PKHD1: variants seen among roughly 807,000 people sequenced by gnomAD.
The protein encoded by PKHD1 is fibrocystin.
A neutral mutation model predicts 412.0 loss-of-function variants in PKHD1; 291 were observed. The ratio of observed to expected loss-of-function variants is 0.71; its 90% CI spans 0.64 to 0.78. PKHD1 has a LOEUF of 0.78. Ranked by LOEUF, PKHD1 falls within the 30% of genes least tolerant of loss-of-function variation. PKHD1 has a pLI of 0.00. For synonymous variants in PKHD1, 1,777 were observed against 1,821.5 expected, an observed-to-expected ratio of 0.98 and a Z score of 0.62; for missense variants, 4,825 against 4,950.7, an observed-to-expected ratio of 0.97 and a Z score of 0.76.
At chr6:51,873,417 G>A (rs1776321625) in intron 46 of PKHD1, among the ~76,000 whole-genome samples, 1 of 152,178 alleles carries the variant, frequency 6.6e-6, no homozygotes, top group Non-Finnish European at 1.5e-5. Flanking sequence ...CTTTAGAGGA[G>A]CTGATAATGT....
Position 51,649,140 on chromosome 6 carries a change from C to G in PKHD1, c.11255G>C (p.Gly3752Ala), listed in dbSNP as rs766816600. 3.1e-6 allele frequency: 5 copies of G among 1,613,678 alleles called. No individual in the cohort carries two copies. The highest frequency in any genetic ancestry group is 4.2e-6 in the Non-Finnish European group (5 of 1,179,642). Residue 3752 changes from glycine (G) to alanine (A), a missense_variant, in exon 62 of 67, where the codon GGA (glycine) becomes GCA (alanine). Coordinates refer to ENST00000371117, the MANE Select transcript of PKHD1 (RefSeq NM_138694.4). ...CACTGGAAGCTCATTTCCCACTTCT[C>G]CATCTGAAGGCTGGACTAGGATGGA... ...ALSILVQPSDGEVGNELPVQP... is the reference protein window; with the variant it reads ...ALSILVQPSDAEVGNELPVQP...
chr6:51,682,167 C>T (rs551720211), intron 60 of PKHD1: 13 of 450,774 alleles, frequency 2.9e-5, no homozygotes, highest in South Asian at 3.2e-5. Flanking sequence ...TCTTTTCCTC[C>T]GAACATATAT....
chr6:51,924,251 T>C (rs894351168), intron 37 of PKHD1, among the ~76,000 whole-genome samples: 2 of 152,168 alleles, frequency 1.3e-5, no homozygotes, highest in African/African-American at 4.8e-5. Context: ...TCCATTTACT[T>C]AACAAAGTTG....
chr6:51,863,436 C>G (rs2151735364), intron 48 of PKHD1, among the ~76,000 whole-genome samples: 1 of 152,256 alleles, frequency 6.6e-6, no homozygotes, highest in South Asian at 2.1e-4. Flanking sequence ...AGAAGTTATA[C>G]ATTGCTGTAA....
chr6:51,778,824 C>A (rs1277665032), intron 53 of PKHD1, among the ~76,000 whole-genome samples: 1 of 152,140 alleles, frequency 6.6e-6, no homozygotes, highest in South Asian at 2.1e-4. Flanking sequence ...ACTCACCAGA[C>A]CTTGTACCAA....
chr6:51,888,479 A>G (rs186675914), intron 43 of PKHD1, among the ~76,000 whole-genome samples: 1 of 152,138 alleles, frequency 6.6e-6, no homozygotes, highest in Non-Finnish European at 1.5e-5. Flanking sequence ...GGCCTACCCA[A>G]TGTTCATATT....
rs921768112 is a variant in PKHD1 at position 51,999,250 on chromosome 6, G to T, written c.5751+11059C>A. Among the ~76,000 whole-genome samples, 60 of 152,226 alleles carry T rather than the reference G, an allele frequency of 3.9e-4. 1 individual carries two copies. The highest frequency in any genetic ancestry group is 1.4e-3 in the African/African-American group (58 of 41,528). The stretch of plus-strand genomic sequence containing the variant: ...AGGTCATTTCTATCTCCAAGTAACA[G>T]CCTTTATCTAAAACCAGTTCAATAT... On this transcript the variant is annotated intron_variant, in intron 35 of 66. Transcript: ENST00000371117.
chr6:52,082,594 G>T, intron 3 of PKHD1, 52 bp from the exon 4 acceptor site: 4 of 1,577,120 alleles, frequency 2.5e-6, no homozygotes, highest in South Asian at 1.1e-5. Context: ...ATTGACACAG[G>T]ACAGTGTGAA....
chr6:51,835,126 T>C (rs1003718793), intron 51 of PKHD1, among the ~76,000 whole-genome samples: 1 of 152,232 alleles, frequency 6.6e-6, no homozygotes, highest in African/African-American at 2.4e-5. Context: ...CCAGTTAAAC[T>C]GACCCCTTCT....
intron 55 of PKHD1, among the ~76,000 whole-genome samples, chr6:51,759,632 G>A (rs144531536): frequency 6.6e-6 from 1 of 151,812 alleles, no homozygotes; most frequent in Non-Finnish European, 1.5e-5. Context: ...CTTAAGAAGG[G>A]TTACTTTTAC....
chr6:51,867,373 T>C (rs1273512342), intron 48 of PKHD1, among the ~76,000 whole-genome samples: 1 of 152,036 alleles, frequency 6.6e-6, no homozygotes, highest in Non-Finnish European at 1.5e-5. Flanking sequence ...ATTGTAGGAA[T>C]CCAATAGTTC....
intron 36 of PKHD1, among the ~76,000 whole-genome samples, chr6:51,946,087 C>A (rs951450988): frequency 6.6e-6 from 1 of 152,162 alleles, no homozygotes; most frequent in African/African-American, 2.4e-5. Flanking sequence ...GGCTTTGTCC[C>A]TTTTACCATG....
intron 52 of PKHD1, among the ~76,000 whole-genome samples, chr6:51,796,177 T>G (rs1423117209): frequency 6.6e-6 from 1 of 150,434 alleles, no homozygotes; most frequent in Non-Finnish European, 1.5e-5. Context: ...TACTGCCCCA[T>G]TTTCAGAACT....
intron 50 of PKHD1, among the ~76,000 whole-genome samples, chr6:51,843,636 T>G (rs760253451): frequency 1.4e-4 from 22 of 152,158 alleles, no homozygotes; most frequent in Non-Finnish European, 2.2e-4. Context: ...TGTTCTACAG[T>G]CATACCCATT....
chr6:51,618,392 T>C lies in PKHD1; in HGVS notation c.*689A>G, dbSNP rs988923574. On this transcript the variant is annotated 3_prime_UTR_variant, in exon 67 of 67. Coordinates refer to ENST00000371117, the MANE Select transcript of PKHD1 (RefSeq NM_138694.4). ...CTTTCCCAAATTTGGCATTTTTACA[T>C]CTTTGTCCTTAACTAAACTCTCAGC... The C allele has an allele frequency of 6.6e-6, 1 of 152,390 alleles. No individual in the cohort carries two copies. Among genetic ancestry groups the C allele is most frequent in the Non-Finnish European group, 1.5e-5 (1 of 68,234 alleles). 9.4% of individuals were successfully genotyped at this position (152,390 alleles called of 1,614,324 possible). A position where few individuals can be genotyped will look rare whatever the true frequency, so the allele number is the denominator to read the frequency against.
In PKHD1 at chr6:52,070,232, CTTCA is replaced by C. The variant is rs1810399439; in HGVS notation, c.707+170_707+173del. On this transcript the variant is annotated intron_variant, in intron 10 of 66. Transcript: ENST00000371117. ...CTACAGATTAGTGAAGAGGACACAA[CTTCA>C]TTCACCCAGGTAAAAAAGTCAAGGA... 2.0e-5 allele frequency among the ~76,000 whole-genome samples: 3 copies of C among 152,276 alleles called. No individual in the cohort carries two copies. The South Asian group carries it at 6.2e-4, about 32-fold the overall frequency.
chr6:51,646,465 A>G (rs1562015051), intron 63 of PKHD1, among the ~76,000 whole-genome samples: 1 of 152,180 alleles, frequency 6.6e-6, no homozygotes, highest in Non-Finnish European at 1.5e-5. Context: ...GGAGGCAGGT[A>G]AGAAGAAAAA....
chr6:51,850,501 G>A (rs193046400), intron 49 of PKHD1, among the ~76,000 whole-genome samples: 98 of 152,256 alleles, frequency 6.4e-4, no homozygotes, highest in African/African-American at 2.2e-3. Flanking sequence ...CCATTTTCAC[G>A]ACATTGATTC....
chr6:51,631,868 C>A (rs1767956570), intron 65 of PKHD1, among the ~76,000 whole-genome samples: 1 of 151,342 alleles, frequency 6.6e-6, no homozygotes, highest in Non-Finnish European at 1.5e-5. Context: ...AACAAACAAA[C>A]AAACTAAGCC....
Sources: allele counts gnomAD v4.1 joint callset (sites outside exome capture counted in the v4.1 genomes callset), GRCh38; gene constraint gnomAD v4.1.1; transcripts MANE v1.5; gene names NCBI Gene and HGNC (gene_info 2026-07-23, HGNC 2026-07-21).